The following RNLS variants were observed in gnomAD, a reference collection of about 807,000 sequenced individuals.
The protein encoded by RNLS is renalase, FAD dependent amine oxidase.
RNLS carries 39 observed loss-of-function variants against 39.8 expected under a neutral mutation model. The ratio of observed to expected loss-of-function variants is 0.98; its 90% CI spans 0.76 to 1.28. The LOEUF (loss-of-function observed/expected upper bound fraction) is 1.28. Among genes scored for constraint, RNLS ranks in the 50% most tolerant of loss-of-function variants. RNLS has a pLI of 0.00. For synonymous variants in RNLS, 147 were observed against 150.7 expected (o/e 0.98, Z 0.18); for missense variants, 410 against 413.3 (o/e 0.99, Z 0.07).
chr10:88,241,964 C>T, the RNLS span, among the ~76,000 whole-genome samples: 7 of 152,214 alleles, frequency 4.6e-5, no homozygotes, highest in East Asian at 1.2e-3. Flanking sequence ...TTGTGCCTTA[C>T]CCATATTCCT....
chr10:88,276,545 G>C (rs1207349639), intron 6 of RNLS, among the ~76,000 whole-genome samples: 3 of 151,892 alleles, frequency 2.0e-5, no homozygotes. Flanking sequence ...AATAATTATT[G>C]CTTTCTCATT....
At chr10:88,407,644 T>C (rs777733620) in intron 4 of RNLS, among the ~76,000 whole-genome samples, 6 of 151,966 alleles carry the variant, frequency 3.9e-5, no homozygotes, top group Admixed American at 6.6e-5. Context: ...AAAGGGTAAA[T>C]AAAACAGTCA....
chr10:88,172,839 GTTGTTTTTTTT>G, the RNLS span, among the ~76,000 whole-genome samples: 18 of 31,508 alleles, frequency 5.7e-4, no homozygotes, highest in East Asian at 1.7e-3. Flanking sequence ...TGCATTTTGA[GTTGTTTTTTTT>G]TTTTTTTTTT....
chr10:88,410,807 A>C (rs576948192), intron 4 of RNLS, among the ~76,000 whole-genome samples: 1 of 152,254 alleles, frequency 6.6e-6, no homozygotes, highest in South Asian at 2.1e-4. Context: ...TTAAAGAATA[A>C]ATAAGAAATA....
intron 4 of RNLS, among the ~76,000 whole-genome samples, chr10:88,562,148 GT>G (rs754441961): frequency 6.6e-6 from 1 of 152,068 alleles, no homozygotes; most frequent in African/African-American, 2.4e-5. Context: ...TAACATACAG[GT>G]TTTTTGAGCC....
At chr10:88,569,837 A>C (rs1849721912) in intron 4 of RNLS, among the ~76,000 whole-genome samples, 1 of 152,078 alleles carries the variant, frequency 6.6e-6, no homozygotes, top group Non-Finnish European at 1.5e-5. Flanking sequence ...AATAAAAGCT[A>C]AAAAAATAAA....
chr10:88,409,862 A>G (rs186974261), intron 4 of RNLS, among the ~76,000 whole-genome samples: 1 of 152,240 alleles, frequency 6.6e-6, no homozygotes, highest in East Asian at 1.9e-4. Flanking sequence ...ATAAAGAGGA[A>G]GCTTTATTTG....
chr10:88,217,799 G>A, the RNLS span, among the ~76,000 whole-genome samples: 3 of 146,120 alleles, frequency 2.1e-5, no homozygotes, highest in African/African-American at 7.6e-5. Flanking sequence ...CAGAACTTTG[G>A]GAGGCCAAAG....
At chr10:88,478,611 A>G (rs1843958535) in intron 4 of RNLS, among the ~76,000 whole-genome samples, 1 of 152,114 alleles carries the variant, frequency 6.6e-6, no homozygotes, top group Non-Finnish European at 1.5e-5. Context: ...CCCCCCAGAT[A>G]AAAAATAAAC....
intron 5 of RNLS, among the ~76,000 whole-genome samples, chr10:88,321,705 G>T (rs1049959158): frequency 6.6e-6 from 1 of 151,896 alleles, no homozygotes; most frequent in African/African-American, 2.4e-5. Flanking sequence ...AGAGGAGATG[G>T]ATAAATTCCT....
At chr10:88,291,523 G>A (rs189868461) in intron 6 of RNLS, among the ~76,000 whole-genome samples, 12 of 152,254 alleles carry the variant, frequency 7.9e-5, no homozygotes, top group African/African-American at 2.6e-4. Flanking sequence ...CTAATCAATT[G>A]TGGCATTCTT....
chr10:88,243,991 G>C, the RNLS span, among the ~76,000 whole-genome samples: 1 of 152,206 alleles, frequency 6.6e-6, no homozygotes, highest in Non-Finnish European at 1.5e-5. Flanking sequence ...CCCAACCCCA[G>C]GACTGATAAC....
intron 6 of RNLS, among the ~76,000 whole-genome samples, chr10:88,313,720 GA>G (rs1340702379): frequency 1.3e-5 from 2 of 152,064 alleles, no homozygotes; most frequent in Non-Finnish European, 2.9e-5. Context: ...GAAATCCCAG[GA>G]AAAAAATGGA....
At chr10:88,402,416 T>C (rs908879209) in intron 4 of RNLS, among the ~76,000 whole-genome samples, 1 of 150,962 alleles carries the variant, frequency 6.6e-6, no homozygotes, top group African/African-American at 2.4e-5. Context: ...ATTGAAAGAG[T>C]GTATCATGTC....
chr10:88,583,002 C>T (rs926431337), intron 1 of RNLS, 71 bp downstream of exon 1: 99 of 1,529,750 alleles, frequency 6.5e-5, no homozygotes, highest in Non-Finnish European at 8.4e-5. Flanking sequence ...TTCTTGGGTG[C>T]AGGCCCACAC....
At chr10:88,229,615 A>G in the RNLS span, among the ~76,000 whole-genome samples, 22 of 152,246 alleles carry the variant, frequency 1.4e-4, no homozygotes, top group Non-Finnish European at 3.2e-4. Context: ...AATAAATTTT[A>G]TAACATTTTC....
chr10:88,485,289 G>A (rs981244653), intron 4 of RNLS, among the ~76,000 whole-genome samples: 1 of 151,888 alleles, frequency 6.6e-6, no homozygotes, highest in Admixed American at 6.6e-5. Flanking sequence ...GGATAGAGTA[G>A]AGAGTCCGGA....
chr10:88,510,153 T>G (rs1846033380), intron 4 of RNLS, among the ~76,000 whole-genome samples: 1 of 152,114 alleles, frequency 6.6e-6, no homozygotes. Flanking sequence ...GGCTTTTAGA[T>G]GAAGGACCAT....
intron 4 of RNLS, among the ~76,000 whole-genome samples, chr10:88,408,201 G>A (rs1043431633): frequency 6.6e-6 from 1 of 152,008 alleles, no homozygotes; most frequent in Non-Finnish European, 1.5e-5. Context: ...TTGTTCAATT[G>A]AATGTGAAAG....
Sources: allele counts gnomAD v4.1 joint callset (sites outside exome capture counted in the v4.1 genomes callset), GRCh38; gene constraint gnomAD v4.1.1; transcripts MANE v1.5; gene names NCBI Gene and HGNC (gene_info 2026-07-23, HGNC 2026-07-21).